ECHDC1: variants seen among roughly 807,000 people sequenced by gnomAD.
ECHDC1 encodes ethylmalonyl-CoA decarboxylase.
ECHDC1 carries 29 observed loss-of-function variants against 29.7 expected under a neutral mutation model. That is an observed-to-expected ratio of 0.98 (90% CI 0.73 to 1.33). The LOEUF (loss-of-function observed/expected upper bound fraction) is 1.33. ECHDC1 is among the 40% of genes most tolerant of loss of function. The pLI is 0.00. For missense variants in ECHDC1, 328 were observed against 350.0 expected (o/e 0.94, Z 0.50); for synonymous variants, 126 against 123.1 (o/e 1.02, Z -0.15).
intron 5 of ECHDC1, among the ~76,000 whole-genome samples, chr6:127,300,424 A>C (rs1780966847): frequency 7.9e-5 from 12 of 152,258 alleles, no homozygotes; most frequent in Admixed American, 7.8e-4. Context: ...TCCTTAAAAT[A>C]GGAAAATTAT....
intron 1 of ECHDC1, chr6:127,341,783 C>T (rs1295307333): frequency 2.0e-5 from 3 of 152,262 alleles, no homozygotes; most frequent in African/African-American, 7.2e-5. Context: ...TCACCTTATA[C>T]TGTAATCACT....
intron 1 of ECHDC1, among the ~76,000 whole-genome samples, chr6:127,332,867 A>G (rs1205100588): frequency 2.0e-5 from 3 of 152,136 alleles, no homozygotes; most frequent in Non-Finnish European, 4.4e-5. Flanking sequence ...ATCTCCACTC[A>G]CTGAAACCTC....
In ECHDC1 at chr6:127,314,876, G is replaced by T. The variant is rs146146402; in HGVS notation, c.437C>A (p.Ala146Glu). 1 of 1,611,828 alleles carries T rather than the reference G, an allele frequency of 6.2e-7. No individual in the cohort carries two copies. Among genetic ancestry groups the T allele is most frequent in the South Asian group, 1.1e-5 (1 of 90,458 alleles). ...RFMRLPLISVALVQGWALGGG... is the reference protein window; with the variant it reads ...RFMRLPLISVELVQGWALGGG... ...ACCCAATGCCCAACCTTGAACCAGC[G>T]CAACACTTATTAAAGGAAGTCTGTA... is the stretch of plus-strand genomic sequence containing the variant. Residue 146 changes from alanine to glutamate, a missense_variant, in exon 5 of 6, where the codon GCG becomes GAG. By Grantham distance (107) the Ala-to-Glu change is moderately radical. Coordinates refer to ENST00000454859, the MANE Select transcript of ECHDC1 (RefSeq NM_001002030.2).
In ECHDC1 at chr6:127,292,757, A is replaced by G. The variant is rs184026221; in HGVS notation, c.498-2480T>C. On this transcript the variant is annotated intron_variant, in intron 5 of 5. Transcript: ENST00000454859. ...CCTGATAGACCCTACAGGATTATACACTAATTCTTTCTAGAGTTTAGATGC... is the reference window on the plus strand; with the variant it reads ...CCTGATAGACCCTACAGGATTATACGCTAATTCTTTCTAGAGTTTAGATGC... Among the ~76,000 whole-genome samples the G allele has an allele frequency of 2.0e-5, 3 of 152,204 alleles. No individual in the cohort carries two copies. In the East Asian group the frequency reaches 5.8e-4, roughly 29 times the overall value.
chr6:127,294,421 T>C (rs1216636096), intron 5 of ECHDC1: 1 of 152,160 alleles, frequency 6.6e-6, no homozygotes, highest in African/African-American at 2.4e-5. Context: ...CCTGGCACTT[T>C]CTCCCTTTTG....
intron 5 of ECHDC1, among the ~76,000 whole-genome samples, chr6:127,291,622 C>A (rs1780199301): frequency 6.6e-6 from 1 of 152,138 alleles, no homozygotes; most frequent in Non-Finnish European, 1.5e-5. Context: ...ATTTTGACTG[C>A]ATGCTTCAAG....
chr6:127,291,190 A>G (rs1780142168), intron 5 of ECHDC1, among the ~76,000 whole-genome samples: 1 of 152,012 alleles, frequency 6.6e-6, no homozygotes, highest in South Asian at 2.1e-4. Context: ...GAGGTCAACC[A>G]AAGCATTAAC....
chr6:127,342,789 G>C, intron 1 of ECHDC1: 1 of 166,630 alleles, frequency 6.0e-6, no homozygotes, highest in Non-Finnish European at 1.3e-5. Context: ...CTGTATGTGT[G>C]CGCAGCGTTA....
intron 5 of ECHDC1, among the ~76,000 whole-genome samples, chr6:127,308,969 G>A (rs1221927751): frequency 6.6e-6 from 1 of 152,110 alleles, no homozygotes; most frequent in East Asian, 1.9e-4. Context: ...CATTAAAAAT[G>A]AAAAGATATC....
chr6:127,317,274 C>G (rs1479220191), intron 3 of ECHDC1, among the ~76,000 whole-genome samples: 1 of 152,024 alleles, frequency 6.6e-6, no homozygotes, highest in African/African-American at 2.4e-5. Context: ...CAGCTAATCC[C>G]CTAAATCCAT....
At chr6:127,335,182 T>A (rs536296513) in intron 1 of ECHDC1, among the ~76,000 whole-genome samples, 1 of 152,120 alleles carries the variant, frequency 6.6e-6, no homozygotes, top group African/African-American at 2.4e-5. Context: ...TTAAGTCACA[T>A]GGCCTTCAAG....
intron 5 of ECHDC1, chr6:127,313,192 C>T (rs1782082336): frequency 1.9e-5 from 3 of 153,872 alleles, no homozygotes; most frequent in Non-Finnish European, 4.3e-5. Flanking sequence ...ATTTGTAGCT[C>T]AACAAATTTA....
intron 1 of ECHDC1, among the ~76,000 whole-genome samples, chr6:127,341,400 C>G (rs1187534299): frequency 6.6e-6 from 1 of 152,280 alleles, no homozygotes. Context: ...ACTATAGTAT[C>G]TAATAGTATA....
At chr6:127,329,887 T>A (rs1433677453) in intron 2 of ECHDC1, 3 of 455,268 alleles carry the variant, frequency 6.6e-6, no homozygotes, top group South Asian at 4.7e-5. Context: ...TGAATTCTGG[T>A]AAGTGGAGAG....
At chr6:127,303,645 G>GT (rs1781226928) in intron 5 of ECHDC1, among the ~76,000 whole-genome samples, 1 of 152,234 alleles carries the variant, frequency 6.6e-6, no homozygotes, top group Non-Finnish European at 1.5e-5. Flanking sequence ...AACTGAAGCA[G>GT]TAAGGGGTAA....
chr6:127,315,756 A>G lies in ECHDC1; in HGVS notation c.416+694T>C, dbSNP rs1431972245. The G allele has an allele frequency of 2.2e-5, 8 of 363,128 alleles. No homozygotes were observed. In the East Asian group the frequency reaches 2.2e-4, roughly 10 times the overall value. 22.5% of individuals were successfully genotyped at this position (363,128 alleles called of 1,614,324 possible). On this transcript the variant is annotated intron_variant, in intron 4 of 5. Coordinates refer to ENST00000454859, the MANE Select transcript of ECHDC1 (RefSeq NM_001002030.2). Reference sequence around the variant, plus strand: ...TTTAGAATAGTAATGTTATGATTCTATTACTCTCTCTAGACTCTCAGATAC... The same window carrying G: ...TTTAGAATAGTAATGTTATGATTCTGTTACTCTCTCTAGACTCTCAGATAC...
intron 5 of ECHDC1, among the ~76,000 whole-genome samples, chr6:127,306,009 T>C (rs558159465): frequency 7.3e-6 from 1 of 136,594 alleles, no homozygotes; most frequent in Non-Finnish European, 1.6e-5. Flanking sequence ...GACTGGTTGA[T>C]AGATTAAAAA....
At chr6:127,327,695 A>C (rs1783483834) in intron 2 of ECHDC1, among the ~76,000 whole-genome samples, 1 of 152,196 alleles carries the variant, frequency 6.6e-6, no homozygotes, top group South Asian at 2.1e-4. Context: ...ATGGTTAACA[A>C]ACTGTCCTCT....
chr6:127,309,372 A>T, intron 5 of ECHDC1, among the ~76,000 whole-genome samples: 1 of 152,070 alleles, frequency 6.6e-6, no homozygotes, highest in Non-Finnish European at 1.5e-5. Flanking sequence ...ATGCTGGGAA[A>T]ACTGGATATT....
Sources: allele counts gnomAD v4.1 joint callset (sites outside exome capture counted in the v4.1 genomes callset), GRCh38; gene constraint gnomAD v4.1.1; transcripts MANE v1.5; gene names NCBI Gene and HGNC (gene_info 2026-07-23, HGNC 2026-07-21).